The following RAP1GAP2 variants were observed in gnomAD, a reference collection of about 807,000 sequenced individuals.
The protein encoded by RAP1GAP2 is RAP1 GTPase activating protein 2, also known as rap1 GTPase-activating protein 2.
RAP1GAP2 carries 27 observed loss-of-function variants against 95.0 expected under a neutral mutation model. The ratio of observed to expected loss-of-function variants is 0.28; its 90% CI spans 0.21 to 0.39. RAP1GAP2 has a LOEUF of 0.39. Among genes scored for constraint, RAP1GAP2 ranks in the 10% least tolerant of loss-of-function variants. The probability of loss-of-function intolerance (pLI) is 1.00; values close to 1 mark genes in which losing one functional copy is unlikely to be tolerated. For missense variants in RAP1GAP2, 771 were observed against 970.0 expected, an observed-to-expected ratio of 0.79 and a Z score of 2.72; for synonymous variants, 373 against 380.9, an observed-to-expected ratio of 0.98 and a Z score of 0.24.
chr17:3,010,219 A>G (rs1051718256), intron 17 of RAP1GAP2, among the ~76,000 whole-genome samples: 2 of 151,854 alleles, frequency 1.3e-5, no homozygotes, highest in Non-Finnish European at 2.9e-5. Context: ...GTGAGCCTGT[A>G]ATCCCAGCTA....
rs9892558 is a variant in RAP1GAP2 at position 2,877,699 on chromosome 17, T to C, written c.81-27585T>C. 7.9e-3 allele frequency among the ~76,000 whole-genome samples: 1,207 copies of C among 152,242 alleles called. 10 individuals carry two copies. Among genetic ancestry groups the C allele is most frequent in the African/African-American group, 0.027 (1,133 of 41,540 alleles). Reference sequence around the variant, plus strand: ...CTGGGAGGTGGAGGTTGCAGTGAACTGAGATTGCGCCACTGTACTTCAGCC... The same window carrying C: ...CTGGGAGGTGGAGGTTGCAGTGAACCGAGATTGCGCCACTGTACTTCAGCC... On this transcript the variant is annotated intron_variant, in intron 2 of 24. Coordinates refer to ENST00000254695, the MANE Select transcript of RAP1GAP2 (RefSeq NM_015085.5).
intron 2 of RAP1GAP2, among the ~76,000 whole-genome samples, chr17:2,852,200 A>G (rs1427956747): frequency 6.6e-6 from 1 of 152,190 alleles, no homozygotes; most frequent in Non-Finnish European, 1.5e-5. Flanking sequence ...TTCTTAAGTC[A>G]CTACTGGCAT....
chr17:2,828,223 C>G (rs2070668157), intron 2 of RAP1GAP2, among the ~76,000 whole-genome samples: 1 of 152,084 alleles, frequency 6.6e-6, no homozygotes, highest in South Asian at 2.1e-4. Flanking sequence ...CGCCTGTAAT[C>G]CCAGCTACTC....
chr17:2,811,731 C>A (rs554589615), intron 2 of RAP1GAP2, among the ~76,000 whole-genome samples: 2 of 152,250 alleles, frequency 1.3e-5, no homozygotes, highest in East Asian at 1.9e-4. Flanking sequence ...GCATGCGCCA[C>A]CATTTCTGGC....
Position 2,902,298 on chromosome 17 carries a change from C to T in RAP1GAP2, c.81-2986C>T, listed in dbSNP as rs892741628. ...GTGGCACGATCTCAGCTCACTGCAA[C>T]CTCCACCTCTTGGGTTCAAGCGATT... On this transcript the variant is annotated intron_variant, in intron 2 of 24. Coordinates refer to ENST00000254695, the MANE Select transcript of RAP1GAP2 (RefSeq NM_015085.5). This position sits in a 1 kb window ranked among gnomAD's most constrained non-coding sequence, Gnocchi z 4.1. 6.6e-6 allele frequency among the ~76,000 whole-genome samples: 1 copy of T among 152,086 alleles called. No homozygotes were observed. Among genetic ancestry groups the T allele is most frequent in the South Asian group, 2.1e-4 (1 of 4,826 alleles).
rs548986954 is a variant in RAP1GAP2 at position 2,797,835 on chromosome 17, G to A, written c.44+1264G>A. 94 of 964,196 alleles carry A rather than the reference G, an allele frequency of 9.7e-5. No individual in the cohort carries two copies. In the African/African-American group the frequency reaches 1.5e-3, roughly 15 times the overall value. 59.7% of individuals were successfully genotyped at this position (964,196 alleles called of 1,614,324 possible). A position where few individuals can be genotyped will look rare whatever the true frequency, so the allele number is the denominator to read the frequency against. On this transcript the variant is annotated intron_variant, in intron 1 of 24. Coordinates refer to ENST00000254695, the MANE Select transcript of RAP1GAP2 (RefSeq NM_015085.5). This position sits in a 1 kb window ranked among gnomAD's most constrained non-coding sequence, Gnocchi z 5.6. ...GAGGACTTGGCTTCTGGTTGGGAGG[G>A]GTGTGTGTGTCTTGGCTGTGGGCCT...
chr17:2,829,229 C>T (rs1313478850), intron 2 of RAP1GAP2, among the ~76,000 whole-genome samples: 1 of 152,110 alleles, frequency 6.6e-6, no homozygotes, highest in Non-Finnish European at 1.5e-5. Context: ...GGTGATCCAC[C>T]CGCCTCAGCC....
chr17:2,804,051 G>C (rs1174713801), intron 2 of RAP1GAP2, among the ~76,000 whole-genome samples: 2 of 152,224 alleles, frequency 1.3e-5, no homozygotes, highest in African/African-American at 4.8e-5. Flanking sequence ...AATGCCCACT[G>C]TTGGGGCTCC....
intron 2 of RAP1GAP2, among the ~76,000 whole-genome samples, chr17:2,846,616 A>G (rs1597426605): frequency 1.3e-5 from 2 of 152,174 alleles, no homozygotes; most frequent in South Asian, 4.1e-4. Context: ...GAACATTGTC[A>G]TGCAAGTCTT....
rs73294675 is a variant in RAP1GAP2 at position 2,935,759 on chromosome 17, C to G, written c.166-22000C>G. ...CATTACTCCAGTGTCACAAAGGAGGCAAGTGAGGCGCGAGGCCTCACAGCT... is the reference window on the plus strand; with the variant it reads ...CATTACTCCAGTGTCACAAAGGAGGGAAGTGAGGCGCGAGGCCTCACAGCT... On this transcript the variant is annotated intron_variant, in intron 3 of 24. Transcript: ENST00000254695. Among the ~76,000 whole-genome samples the G allele has an allele frequency of 1.0e-3, 158 of 152,308 alleles. 1 individual carries two copies. Among genetic ancestry groups the G allele is most frequent in the African/African-American group, 3.7e-3 (155 of 41,554 alleles).
chr17:2,796,362 C>A (rs2069081171), upstream of RAP1GAP2: 2 of 714,980 alleles, frequency 2.8e-6, no homozygotes, highest in Non-Finnish European at 2.4e-6. The surrounding 1 kb of genome is among the most constrained non-coding windows in gnomAD (Gnocchi z 4.7). Flanking sequence ...AGCTCTGCAG[C>A]CTCACCCACA....
chr17:2,771,050 AAAC>A, intron 2 of RAP1GAP2, among the ~76,000 whole-genome samples: 1 of 129,866 alleles, frequency 7.7e-6, no homozygotes, highest in South Asian at 2.6e-4. Flanking sequence ...CTGTTTCAAA[AAAC>A]AAACAAACAA....
chr17:2,969,179 C>CTA lies in RAP1GAP2; in HGVS notation c.596+3550_596+3551dup, dbSNP rs769314712. Among the ~76,000 whole-genome samples, 58 of 143,210 alleles carry CTA rather than the reference C, an allele frequency of 4.0e-4. 1 individual carries two copies. The highest frequency in any genetic ancestry group is 7.2e-4 in the African/African-American group (29 of 40,236). The allele number at this position is 143,210 out of a possible 152,430, so 94.0% of individuals were successfully genotyped here. A position where few individuals can be genotyped will look rare whatever the true frequency, so the allele number is the denominator to read the frequency against. On this transcript the variant is annotated intron_variant, in intron 8 of 24. Coordinates refer to ENST00000254695, the MANE Select transcript of RAP1GAP2 (RefSeq NM_015085.5). ...TATTTTTCTTTATCTATCTATCTAT[C>CTA]TATATATATATATATCTGTTTCTGT...
chr17:2,838,780 A>G (rs1567697073), intron 2 of RAP1GAP2, among the ~76,000 whole-genome samples: 1 of 152,088 alleles, frequency 6.6e-6, no homozygotes, highest in African/African-American at 2.4e-5. Flanking sequence ...TTCCCTTTGC[A>G]GTTCTCTTTC....
rs1378529914 is a variant in RAP1GAP2 at position 2,928,621 on chromosome 17, C to A, written c.165+23253C>A. Reference sequence around the variant, plus strand: ...CGTTGCCTGGCTACGGGGCAGTCAGCGAGGCTCCGGCAGGGCGAGTAAACA... The same window carrying A: ...CGTTGCCTGGCTACGGGGCAGTCAGAGAGGCTCCGGCAGGGCGAGTAAACA... On this transcript the variant is annotated intron_variant, in intron 3 of 24. Coordinates refer to ENST00000254695, the MANE Select transcript of RAP1GAP2 (RefSeq NM_015085.5). Among the ~76,000 whole-genome samples, 3 of 152,136 alleles carry A rather than the reference C, an allele frequency of 2.0e-5. No homozygotes were observed. The East Asian group carries it at 5.8e-4, about 29-fold the overall frequency.
chr17:2,833,677 G>A (rs184620667), intron 2 of RAP1GAP2, among the ~76,000 whole-genome samples: 2,599 of 129,644 alleles, frequency 0.02, 55 homozygotes, highest in Non-Finnish European at 0.027. Flanking sequence ...GAGACACAGC[G>A]AGACTCCGTC....
chr17:2,816,419 C>A (rs1490220550), intron 2 of RAP1GAP2, among the ~76,000 whole-genome samples: 1 of 151,988 alleles, frequency 6.6e-6, no homozygotes, highest in Non-Finnish European at 1.5e-5. Context: ...CTCACTGCAA[C>A]CTCCGCCTTT....
chr17:3,011,055 T>G lies in RAP1GAP2; in HGVS notation c.1494+2910T>G, dbSNP rs189755930. 6.6e-5 allele frequency among the ~76,000 whole-genome samples: 10 copies of G among 152,114 alleles called. 1 individual carries two copies. The highest frequency in any genetic ancestry group is 3.3e-4 in the Admixed American group (5 of 15,264). Reference sequence around the variant, plus strand: ...GATTATCCTACCTCAGCCTCCTGAGTAGCTAGAATTATAGGTGCCCGCCAC... The same window carrying G: ...GATTATCCTACCTCAGCCTCCTGAGGAGCTAGAATTATAGGTGCCCGCCAC... On this transcript the variant is annotated intron_variant, in intron 17 of 24. Coordinates refer to ENST00000254695, the MANE Select transcript of RAP1GAP2 (RefSeq NM_015085.5).
Position 2,842,529 on chromosome 17 carries a change from CAAAAAAAA to C in RAP1GAP2, c.80+41995_80+42002del, listed in dbSNP as rs34473053. Among the ~76,000 whole-genome samples, 4 of 78,066 alleles carry C rather than the reference CAAAAAAAA, an allele frequency of 5.1e-5. 1 individual carries two copies. In the South Asian group the frequency reaches 1.7e-3, roughly 33 times the overall value. 51.2% of individuals were successfully genotyped at this position (78,066 alleles called of 152,430 possible). A position where few individuals can be genotyped will look rare whatever the true frequency, so the allele number is the denominator to read the frequency against. Reference sequence around the variant, plus strand: ...TGGGTGACAGAGCGAGATTCCGTCTCAAAAAAAAAAAAAAAAAAAAAAATACCACTTTT... The same window carrying C: ...TGGGTGACAGAGCGAGATTCCGTCTCAAAAAAAAAAAAAAATACCACTTTT... On this transcript the variant is annotated intron_variant, in intron 2 of 24. Coordinates refer to ENST00000254695, the MANE Select transcript of RAP1GAP2 (RefSeq NM_015085.5).
Sources: allele counts gnomAD v4.1 joint callset (sites outside exome capture counted in the v4.1 genomes callset), GRCh38; gene constraint gnomAD v4.1.1; non-coding constraint Gnocchi (gnomAD v3.1); transcripts MANE v1.5; gene names NCBI Gene and HGNC (gene_info 2026-07-23, HGNC 2026-07-21).